The following GRID1 variants were observed in gnomAD, a reference collection of about 807,000 sequenced individuals.
GRID1 encodes glutamate ionotropic receptor delta type subunit 1.
GRID1 carries 28 observed loss-of-function variants against 98.0 expected under a neutral mutation model. The ratio of observed to expected loss-of-function variants is 0.29; its 90% confidence interval spans 0.21 to 0.39. The LOEUF (loss-of-function observed/expected upper bound fraction) is 0.39, where lower values mean the gene tolerates loss of function less well. GRID1 is among the 10% of genes least tolerant of loss of function. The pLI is 1.00. For synonymous variants in GRID1, 553 were observed against 538.5 expected, an observed-to-expected ratio of 1.03 and a Z score of -0.37; for missense variants, 1,111 against 1,340.5, an observed-to-expected ratio of 0.83 and a Z score of 2.67.
intron 4 of GRID1, among the ~76,000 whole-genome samples, chr10:86,085,917 C>A (rs1844048421): frequency 6.6e-6 from 1 of 152,154 alleles, no homozygotes; most frequent in Admixed American, 6.5e-5. Context: ...TGCCCAGCAT[C>A]CCGAGCTTGC....
intron 8 of GRID1, among the ~76,000 whole-genome samples, chr10:85,839,650 A>G (rs2131769686): frequency 6.6e-6 from 1 of 152,300 alleles, no homozygotes; most frequent in African/African-American, 2.4e-5. Context: ...ATAGCACTAA[A>G]TGCCCACATG....
At chr10:86,185,672 A>G (rs965138999) in intron 3 of GRID1, among the ~76,000 whole-genome samples, 2 of 152,202 alleles carry the variant, frequency 1.3e-5, no homozygotes, top group Admixed American at 6.5e-5. Context: ...GAGTTTTAAC[A>G]TAACTGAATG....
chr10:85,760,610 G>A (rs1842138387), intron 8 of GRID1, among the ~76,000 whole-genome samples: 2 of 152,138 alleles, frequency 1.3e-5, no homozygotes, highest in South Asian at 2.1e-4. Context: ...AAAAACATAT[G>A]AGACTGGTCA....
At chr10:85,992,498 G>A (rs1450848142) in intron 4 of GRID1, among the ~76,000 whole-genome samples, 1 of 152,110 alleles carries the variant, frequency 6.6e-6, no homozygotes, top group Non-Finnish European at 1.5e-5. Flanking sequence ...GGGGTTGGAG[G>A]TCTCACTAGG....
intron 2 of GRID1, among the ~76,000 whole-genome samples, chr10:86,274,213 C>A (rs903110470): frequency 8.5e-5 from 13 of 152,104 alleles, no homozygotes; most frequent in East Asian, 5.8e-4. Flanking sequence ...GTCAAAGATC[C>A]GATAGTTGTA....
chr10:86,165,868 A>C (rs927625975), intron 3 of GRID1, among the ~76,000 whole-genome samples: 2 of 152,162 alleles, frequency 1.3e-5, no homozygotes, highest in African/African-American at 4.8e-5. Flanking sequence ...TTCAGGAGGT[A>C]AGACTCACTC....
At chr10:86,355,902 G>A (rs978482248) in intron 2 of GRID1, among the ~76,000 whole-genome samples, 5 of 152,254 alleles carry the variant, frequency 3.3e-5, no homozygotes, top group Admixed American at 6.5e-5. Flanking sequence ...GGGGCAAGAC[G>A]TGGGAGTCTA....
chr10:85,733,256 G>A (rs1473671381), intron 8 of GRID1, among the ~76,000 whole-genome samples: 1 of 152,146 alleles, frequency 6.6e-6, no homozygotes, highest in Admixed American at 6.5e-5. Context: ...TGGCATTGGG[G>A]TTTCTTGCCA....
At chr10:85,821,539 A>AAAGCAAACAAAC (rs1842772108) in intron 8 of GRID1, among the ~76,000 whole-genome samples, 4 of 97,594 alleles carry the variant, frequency 4.1e-5, no homozygotes, top group South Asian at 3.7e-4. Flanking sequence ...AAAAAAAAAA[A>AAAGCAAACAAAC]AAAAAAGAAA....
intron 5 of GRID1, among the ~76,000 whole-genome samples, chr10:85,888,987 C>T (rs1240700907): frequency 6.6e-6 from 1 of 152,166 alleles, no homozygotes; most frequent in Non-Finnish European, 1.5e-5. Context: ...CAATTGCTAA[C>T]CTTACTCTGA....
rs182828138 is a variant in GRID1, at chr10:86,233,181, G to A, written c.236-26533C>T. 2.2e-4 allele frequency among the ~76,000 whole-genome samples: 34 copies of A among 152,198 alleles called. 1 individual carries two copies. In the Middle Eastern group the frequency reaches 0.024, roughly 107 times the overall value. ...GGAAAGCTGAACAGTCTCAGCCACC[G>A]AGAGAGGGAAAGCCGTCAGCTGCAG... is the stretch of plus-strand genomic sequence containing the variant. On this transcript the variant is annotated intron_variant, in intron 2 of 15. Coordinates refer to ENST00000327946, the MANE Select transcript of GRID1 (RefSeq NM_017551.3).
intron 5 of GRID1, among the ~76,000 whole-genome samples, chr10:85,887,553 T>G (rs1174931022): frequency 6.6e-6 from 1 of 152,178 alleles, no homozygotes; most frequent in African/African-American, 2.4e-5. Flanking sequence ...AGAATCTGCA[T>G]TTTAACAAGA....
intron 4 of GRID1, among the ~76,000 whole-genome samples, chr10:86,037,601 C>T (rs1009148934): frequency 1.3e-5 from 2 of 152,172 alleles, no homozygotes; most frequent in African/African-American, 4.8e-5. Flanking sequence ...CTAAGATGCA[C>T]TACAGAGACA....
chr10:86,339,098 CCACCCTGAACCCCAGCACCCAA>C (rs1449474670), intron 2 of GRID1, among the ~76,000 whole-genome samples: 10 of 152,314 alleles, frequency 6.6e-5, no homozygotes, highest in Admixed American at 3.3e-4. Flanking sequence ...CGTACCATGT[CCACCCTGAACCCCAGCACCCAA>C]CACAGTGCCT....
intron 8 of GRID1, among the ~76,000 whole-genome samples, chr10:85,758,795 G>T (rs961766598): frequency 6.6e-6 from 1 of 152,240 alleles, no homozygotes; most frequent in East Asian, 1.9e-4. Flanking sequence ...AGCATCTATG[G>T]CACTTGTCAA....
chr10:85,887,950 C>T (rs1165791306), intron 5 of GRID1, among the ~76,000 whole-genome samples: 1 of 152,104 alleles, frequency 6.6e-6, no homozygotes, highest in East Asian at 1.9e-4. Flanking sequence ...TTCTGCCCTT[C>T]CCATCATCCC....
intron 4 of GRID1, among the ~76,000 whole-genome samples, chr10:86,034,609 T>C (rs1041271726): frequency 2.6e-5 from 4 of 151,948 alleles, no homozygotes; most frequent in African/African-American, 9.7e-5. Flanking sequence ...CGGGAACCAG[T>C]TGAGGCTTTG....
In GRID1 at chr10:85,602,131, C is replaced by T. The variant is rs903897936; in HGVS notation, c.*142G>A. The T allele has an allele frequency of 3.8e-6, 2 of 525,500 alleles. No homozygotes were observed. The highest frequency in any genetic ancestry group is 6.6e-6 in the Non-Finnish European group (2 of 302,256). 32.6% of individuals were successfully genotyped at this position (525,500 alleles called of 1,614,324 possible). On this transcript the variant is annotated 3_prime_UTR_variant, in exon 16 of 16. Coordinates refer to ENST00000327946, the MANE Select transcript of GRID1 (RefSeq NM_017551.3). ...CCCCACTCCATTCTGTCATTATTTA[C>T]ACATATGTACAAGAAAAATGAAAGA...
chr10:86,285,123 C>A (rs1847412513), intron 2 of GRID1, among the ~76,000 whole-genome samples: 1 of 151,720 alleles, frequency 6.6e-6, no homozygotes, highest in African/African-American at 2.4e-5. Context: ...GCCTCTACCC[C>A]TCCTCAGCCC....
Sources: gnomAD v4.1 joint callset for allele counts (sites outside exome capture counted in the v4.1 genomes callset) on GRCh38, gnomAD v4.1.1 for gene constraint, MANE v1.5 for transcripts, NCBI Gene and HGNC (gene_info 2026-07-23, HGNC 2026-07-21) for gene names.